TSPAN6: variants seen among roughly 807,000 people sequenced by gnomAD.
The protein encoded by TSPAN6 is tetraspanin-6.
A neutral mutation model predicts 18.0 loss-of-function variants in TSPAN6; 13 were observed. That is an observed-to-expected ratio of 0.72 (90% CI 0.47 to 1.15). TSPAN6 has a LOEUF of 1.15. TSPAN6 is among the 50% of genes most tolerant of loss of function. The probability of loss-of-function intolerance (pLI) is 0.00; values close to 1 mark genes in which losing one functional copy is unlikely to be tolerated. For missense variants in TSPAN6, 186 were observed against 183.9 expected, an observed-to-expected ratio of 1.01 and a Z score of -0.07; for synonymous variants, 82 against 67.0, an observed-to-expected ratio of 1.22 and a Z score of -1.09.
chrX:100,631,654 A>G (rs1018438), intron 6 of TSPAN6, among the ~76,000 whole-genome samples: 50,343 of 109,760 alleles, frequency 0.46, 9,036 homozygotes, highest in East Asian at 0.75. Flanking sequence ...GAACTTGTAT[A>G]CAACTCATCA....
At chrX:100,636,262 CCGGGCAAGCCTTGCTT>C in intron 1 of TSPAN6, 1 of 832,975 alleles carries the variant, frequency 1.2e-6, no homozygotes, top group African/African-American at 2.1e-5. Context: ...CTCAAAGGGG[CCGGGCAAGCCTTGCTT>C]GCCTTTGCAA....
Position 100,629,289 on chromosome X carries a change from T to C in TSPAN6, c.*737A>G, listed in dbSNP as rs1307669639. 1.8e-5 allele frequency: 2 copies of C among 111,841 alleles called. No homozygotes were observed. Among genetic ancestry groups the C allele is most frequent in the Admixed American group, 1.9e-4 (2 of 10,564 alleles). 9.2% of individuals were successfully genotyped at this position (111,841 alleles called of 1,213,427 possible). A position where few individuals can be genotyped will look rare whatever the true frequency, so the allele number is the denominator to read the frequency against. On this transcript the variant is annotated 3_prime_UTR_variant, in exon 8 of 8. Coordinates refer to ENST00000373020, the MANE Select transcript of TSPAN6 (RefSeq NM_003270.4). The stretch of plus-strand genomic sequence containing the variant: ...CAATTTGGAGGCAAAGAAATGTAAG[T>C]TGTGTGCTGAAACCTGATGTATCAC...
chrX:100,627,417 A>G lies in TSPAN6; in HGVS notation c.*2609T>C, dbSNP rs1156440996. The G allele has an allele frequency of 1.8e-5, 2 of 112,088 alleles. No individual in the cohort carries two copies. The highest frequency in any genetic ancestry group is 3.8e-5 in the Non-Finnish European group (2 of 53,203). The allele number at this position is 112,088 out of a possible 1,213,427, so 9.2% of individuals were successfully genotyped here. On this transcript the variant is annotated 3_prime_UTR_variant, in exon 8 of 8. Transcript: ENST00000373020. Reference sequence around the variant, plus strand: ...CTCAAAACCCCCAGCCTGTGCCACTAAGGGAAACTCACTCCCTCTGCCATT... The same window carrying G: ...CTCAAAACCCCCAGCCTGTGCCACTGAGGGAAACTCACTCCCTCTGCCATT...
rs1326808658 is a variant in TSPAN6, at chrX:100,627,712, ACAAAC to A, written c.*2309_*2313del. 8.9e-6 allele frequency: 1 copy of A among 112,119 alleles called. No homozygotes were observed. The highest frequency in any genetic ancestry group is 3.2e-5 in the African/African-American group (1 of 30,917). The allele number at this position is 112,119 out of a possible 1,213,427, so 9.2% of individuals were successfully genotyped here. A position where few individuals can be genotyped will look rare whatever the true frequency, so the allele number is the denominator to read the frequency against. The stretch of plus-strand genomic sequence containing the variant: ...CAAAATAAACCCATCTTAAAAATAA[ACAAAC>A]CAATCCACCTGACGAGTGATGTGTG... On this transcript the variant is annotated 3_prime_UTR_variant, in exon 8 of 8. Coordinates refer to ENST00000373020, the MANE Select transcript of TSPAN6 (RefSeq NM_003270.4).
In TSPAN6 at chrX:100,635,866, G is replaced by A; in HGVS notation, c.88-120C>T. 1.1e-5 allele frequency: 6 copies of A among 545,912 alleles called. No homozygotes were observed. In the East Asian group the frequency reaches 1.2e-4, roughly 11 times the overall value. The allele number at this position is 545,912 out of a possible 1,213,427, so 45.0% of individuals were successfully genotyped here. ...TAATATGCTGGGATACGGCAGACAA[G>A]GGGGAAGAGTAGAAGGGGTTAGGGG... On this transcript the variant is annotated intron_variant, in intron 1 of 7. Transcript: ENST00000373020.
chrX:100,635,509 A>T, intron 2 of TSPAN6, 49 bp downstream of exon 2: 1 of 1,090,294 alleles, frequency 9.2e-7, no homozygotes, highest in Non-Finnish European at 1.2e-6. Flanking sequence ...TATAACATAC[A>T]AAACTTTTCT....
In TSPAN6 at chrX:100,635,618, A is replaced by C. The variant is rs148999980; in HGVS notation, c.216T>G (p.Ile72Met). The change falls in exon 2 of 8, where the codon ATT becomes ATG. Residue 72 changes from isoleucine to methionine, a missense_variant. Ile to Met is a conservative substitution (Grantham distance 10). Coordinates refer to ENST00000373020, the MANE Select transcript of TSPAN6 (RefSeq NM_003270.4). ...FVLIATGTVI[I>M]LLGTFGCFAT... The stretch of plus-strand genomic sequence containing the variant: ...CAAAACAACCAAAGGTGCCCAAAAG[A>C]ATAATGACGGTACCAGTAGCAATGA... 3.1e-5 allele frequency: 37 copies of C among 1,201,702 alleles called. No individual in the cohort carries two copies. In the African/African-American group the frequency reaches 6.5e-4, roughly 21 times the overall value.
chrX:100,636,148 G>A, intron 1 of TSPAN6: 1 of 790,555 alleles, frequency 1.3e-6, no homozygotes, highest in Non-Finnish European at 1.5e-6. Flanking sequence ...ACAAAAGCAA[G>A]CCCAAGGATA....
chrX:100,627,155 A>C lies in TSPAN6; in HGVS notation c.*2871T>G, dbSNP rs2083029819. ...TCCACAAAAGTTTGATGCTTACAAC[A>C]TAAACCCAACAACCCACCTGGAATA... On this transcript the variant is annotated 3_prime_UTR_variant, in exon 8 of 8. Transcript: ENST00000373020. 1 of 111,573 alleles carries C rather than the reference A, an allele frequency of 9.0e-6. No individual in the cohort carries two copies. The allele number at this position is 111,573 out of a possible 1,213,427, so 9.2% of individuals were successfully genotyped here.
intron 5 of TSPAN6, 55 bp from the exon 6 acceptor site, chrX:100,632,623 C>T: frequency 1.2e-6 from 1 of 822,763 alleles, no homozygotes; most frequent in Non-Finnish European, 1.8e-6. Context: ...CTGTGCTTTT[C>T]TTTATGGTAA....
At position 100,632,520 on chromosome X, in the gene TSPAN6, C is replaced by T; in HGVS notation, c.634G>A (p.Val212Ile). 1.7e-6 allele frequency: 2 copies of T among 1,209,655 alleles called. No homozygotes were observed. The highest frequency in any genetic ancestry group is 2.2e-6 in the Non-Finnish European group (2 of 894,128). The change falls in exon 6 of 8, where the codon GTT becomes ATT. Residue 212 changes from valine (V) to isoleucine (I), a missense_variant. Transcript: ENST00000373020. Reference protein sequence around the residue: ...MTIIESEMGVVAGISFGVACF... With the variant: ...MTIIESEMGVIAGISFGVACF... ...GCAACTCCAAAGGAAATTCCTGCAA[C>T]GACTCCCATTTCTGACTCTATAATG...
At position 100,636,493 on chromosome X, in the gene TSPAN6, A is replaced by G. The variant is rs752850745; in HGVS notation, c.87+115T>C. On this transcript the variant is annotated intron_variant, in intron 1 of 7. Transcript: ENST00000373020. The stretch of plus-strand genomic sequence containing the variant: ...CGCCGGCGTCGGGGTCCCAGGCGCG[A>G]TGGCCGCCCAAACCCCACACCGTTC... The G allele has an allele frequency of 7.9e-6, 8 of 1,016,098 alleles. No homozygotes were observed. The African/African-American group carries it at 1.4e-4, about 18-fold the overall frequency. The allele number at this position is 1,016,098 out of a possible 1,213,427, so 83.7% of individuals were successfully genotyped here.
At chrX:100,634,400 C>T (rs2083080252) in intron 3 of TSPAN6, among the ~76,000 whole-genome samples, 1 of 111,824 alleles carries the variant, frequency 8.9e-6, no homozygotes, top group Non-Finnish European at 1.9e-5. Flanking sequence ...GGAGGCTGTG[C>T]TACCACTTTA....
At chrX:100,631,511 C>T (rs1211177934) in intron 6 of TSPAN6, among the ~76,000 whole-genome samples, 2 of 111,608 alleles carry the variant, frequency 1.8e-5, no homozygotes, top group Non-Finnish European at 3.8e-5. Flanking sequence ...CGTTCAGAGC[C>T]ACAAAACAAA....
At chrX:100,632,808 C>T (rs924350779) in intron 5 of TSPAN6, among the ~76,000 whole-genome samples, 3 of 111,436 alleles carry the variant, frequency 2.7e-5, no homozygotes, top group Non-Finnish European at 3.8e-5. Context: ...ATTATTTCCA[C>T]CTTCTGGATT....
intron 3 of TSPAN6, 146 bp from the exon 4 acceptor site, chrX:100,634,175 C>T: frequency 2.4e-6 from 1 of 418,465 alleles, no homozygotes. Flanking sequence ...ACAGTCCTGT[C>T]CTCTAAGGGG....
At chrX:100,632,200 T>C in intron 6 of TSPAN6, 1 of 267,490 alleles carries the variant, frequency 3.7e-6, no homozygotes, top group Non-Finnish European at 6.7e-6. Flanking sequence ...AGGTCAGGTG[T>C]TCAAGATCAG....
Position 100,631,289 on chromosome X carries a change from G to A in TSPAN6, c.670-423C>T, listed in dbSNP as rs191152412. ...ATGTTCTAGAATCCCTGTACTGTCCGATATAGTAGGCAGCAGCCACATGGC... is the reference window on the plus strand; with the variant it reads ...ATGTTCTAGAATCCCTGTACTGTCCAATATAGTAGGCAGCAGCCACATGGC... On this transcript the variant is annotated intron_variant, in intron 6 of 7. Coordinates refer to ENST00000373020, the MANE Select transcript of TSPAN6 (RefSeq NM_003270.4). Among the ~76,000 whole-genome samples, 519 of 112,377 alleles carry A rather than the reference G, an allele frequency of 4.6e-3. 4 individuals are homozygous for A. Among genetic ancestry groups the A allele is most frequent in the African/African-American group, 0.016 (484 of 31,006 alleles).
intron 1 of TSPAN6, 107 bp downstream of exon 1, chrX:100,636,501 C>G (rs1397940797): frequency 9.7e-7 from 1 of 1,027,184 alleles, no homozygotes; most frequent in African/African-American, 2.0e-5. Flanking sequence ...CGATGGCCGC[C>G]CAAACCCCAC....
Sources: allele counts gnomAD v4.1 joint callset (sites outside exome capture counted in the v4.1 genomes callset), GRCh38; gene constraint gnomAD v4.1.1; transcripts MANE v1.5; gene names NCBI Gene and HGNC (gene_info 2026-07-23, HGNC 2026-07-21).